The following SPINK6 variants were observed in gnomAD, a reference collection of about 807,000 sequenced individuals.
SPINK6 encodes the protein serine protease inhibitor Kazal-type 6.
In SPINK6, 13 loss-of-function variants were observed where a neutral mutation model predicts 11.7. The ratio of observed to expected loss-of-function variants is 1.11; its 90% confidence interval spans 0.72 to 1.76. The LOEUF (loss-of-function observed/expected upper bound fraction) is 1.76, where lower values mean the gene tolerates loss of function less well. Among genes scored for constraint, SPINK6 ranks in the 40% most tolerant of loss-of-function variants. The pLI is 0.00. For missense variants in SPINK6, 98 were observed against 93.7 expected, an observed-to-expected ratio of 1.05 and a Z score of -0.19; for synonymous variants, 21 against 31.9, an observed-to-expected ratio of 0.66 and a Z score of 1.15.
chr5:148,210,013 T>TGTATGTAG (rs1755559338), intron 2 of SPINK6, among the ~76,000 whole-genome samples: 2 of 143,700 alleles, frequency 1.4e-5, no homozygotes, highest in African/African-American at 2.7e-5. Context: ...TATACATGTA[T>TGTATGTAG]GTACGCATGT....
Position 148,205,894 on chromosome 5 carries a change from A to G in SPINK6, c.59-142A>G. The G allele has an allele frequency of 3.4e-6, 3 of 873,248 alleles. No individual in the cohort carries two copies. In the South Asian group the frequency reaches 4.5e-5, roughly 13 times the overall value. The allele number at this position is 873,248 out of a possible 1,614,324, so 54.1% of individuals were successfully genotyped here. A position where few individuals can be genotyped will look rare whatever the true frequency, so the allele number is the denominator to read the frequency against. ...AAAAAAAAAGAAGAAGAAGAAGAAAACAAAAACAAACAAAAAAAATACGAT... is the reference window on the plus strand; with the variant it reads ...AAAAAAAAAGAAGAAGAAGAAGAAAGCAAAAACAAACAAAAAAAATACGAT... On this transcript the variant is annotated intron_variant, in intron 1 of 3. Transcript: ENST00000325630.
intron 2 of SPINK6, among the ~76,000 whole-genome samples, chr5:148,211,188 C>T (rs1755593376): frequency 6.6e-6 from 1 of 152,068 alleles, no homozygotes. Flanking sequence ...ATTAAAATGT[C>T]TCATAGAGTG....
rs190006161 is a variant in SPINK6, at chr5:148,214,001, A to C, written c.173A>C (p.Lys58Thr). 4.5e-5 allele frequency: 73 copies of C among 1,611,902 alleles called. No individual in the cohort carries two copies. In the East Asian group the frequency reaches 1.6e-3, roughly 35 times the overall value. Residue 58 changes from lysine (K) to threonine (T), a missense_variant, in exon 3 of 4, where the codon AAA (lysine) becomes ACA (threonine). Physicochemically the swap from Lys to Thr is moderately conservative, Grantham distance 78. Transcript: ENST00000325630. ...CGSDGQTYGN[K>T]CAFCKAIVKS... ...TCTGATGGCCAGACATATGGCAATA[A>C]ATGTGCCTTCTGTAAGGCCATAGTG...
intron 2 of SPINK6, among the ~76,000 whole-genome samples, chr5:148,211,527 G>A (rs941406064): frequency 3.6e-4 from 55 of 152,070 alleles, no homozygotes; most frequent in African/African-American, 1.3e-3. Flanking sequence ...GACCACATTT[G>A]TTCCTTATAA....
At chr5:148,210,457 T>C (rs1035991055) in intron 2 of SPINK6, among the ~76,000 whole-genome samples, 1 of 152,114 alleles carries the variant, frequency 6.6e-6, no homozygotes, top group African/African-American at 2.4e-5. Flanking sequence ...TGTTTCTGCA[T>C]ACATATATAT....
rs988664660 is a variant in SPINK6 at position 148,215,083 on chromosome 5, A to G, written c.*133A>G. ...CTCTGCCTGGGTCTTGAGGAGTTCA[A>G]TGTATGTCTATTTCTCTTGATTCAC... On this transcript the variant is annotated 3_prime_UTR_variant, in exon 4 of 4. Transcript: ENST00000325630. 24 of 684,200 alleles carry G rather than the reference A, an allele frequency of 3.5e-5. No homozygotes were observed. The highest frequency in any genetic ancestry group is 5.4e-5 in the East Asian group (2 of 37,138). 42.4% of individuals were successfully genotyped at this position (684,200 alleles called of 1,614,324 possible). A position where few individuals can be genotyped will look rare whatever the true frequency, so the allele number is the denominator to read the frequency against.
chr5:148,209,731 A>C (rs2113311051), intron 2 of SPINK6, among the ~76,000 whole-genome samples: 1 of 152,252 alleles, frequency 6.6e-6, no homozygotes. Flanking sequence ...GAACTGGCAA[A>C]GAAAATGAGG....
chr5:148,207,458 G>A (rs530732894), intron 2 of SPINK6, among the ~76,000 whole-genome samples: 20 of 152,196 alleles, frequency 1.3e-4, no homozygotes, highest in African/African-American at 3.4e-4. Context: ...AGTACTTGGC[G>A]GGGTGTGTGG....
intron 2 of SPINK6, among the ~76,000 whole-genome samples, chr5:148,211,820 G>A (rs773057077): frequency 4.6e-5 from 7 of 152,024 alleles, no homozygotes; most frequent in Non-Finnish European, 8.8e-5. Context: ...CTTCTTCCAC[G>A]GGGCAGAGGA....
chr5:148,210,111 T>C (rs1459140753), intron 2 of SPINK6, among the ~76,000 whole-genome samples: 2 of 148,326 alleles, frequency 1.3e-5, no homozygotes, highest in African/African-American at 4.9e-5. Context: ...TATGCACATA[T>C]GTATGTATGT....
chr5:148,212,472 C>T (rs995291507), intron 2 of SPINK6, among the ~76,000 whole-genome samples: 1 of 29,530 alleles, frequency 3.4e-5, no homozygotes, highest in African/African-American at 5.4e-5. Context: ...CTCTAAAATA[C>T]ATATTTTTTA....
intron 3 of SPINK6, among the ~76,000 whole-genome samples, chr5:148,214,462 GT>G (rs1425415387): frequency 1.3e-5 from 2 of 152,202 alleles, no homozygotes; most frequent in African/African-American, 2.4e-5. Context: ...AGTCAGTGGT[GT>G]AATATGAGAT....
At chr5:148,213,055 T>A (rs896177669) in intron 2 of SPINK6, among the ~76,000 whole-genome samples, 4 of 150,718 alleles carry the variant, frequency 2.7e-5, no homozygotes, top group South Asian at 4.2e-4. Context: ...TATATACATA[T>A]CCTATATATA....
At position 148,214,946 on chromosome 5, in the gene SPINK6, G is replaced by T; in HGVS notation, c.239G>T (p.Cys80Phe). Residue 80 changes from cysteine (C) to phenylalanine (F), a missense_variant, in exon 4 of 4, where the codon TGC becomes TTC. Cys to Phe is a radical substitution (Grantham distance 205). Coordinates refer to ENST00000325630, the MANE Select transcript of SPINK6 (RefSeq NM_205841.4). ...GKISLKHPGK[C>F] ...ATTAGCCTAAAGCATCCTGGAAAAT[G>T]CTGAGTTAAAGCCAATGTTTCTTGG... The T allele has an allele frequency of 6.2e-7, 1 of 1,613,744 alleles. No homozygotes were observed. Among genetic ancestry groups the T allele is most frequent in the Non-Finnish European group, 8.5e-7 (1 of 1,179,824 alleles).
At chr5:148,213,432 C>G (rs1021649826) in intron 2 of SPINK6, among the ~76,000 whole-genome samples, 3 of 151,744 alleles carry the variant, frequency 2.0e-5, no homozygotes, top group Admixed American at 2.0e-4. Context: ...ATCTCCTGAC[C>G]TCGTGATCCG....
intron 2 of SPINK6, among the ~76,000 whole-genome samples, chr5:148,210,736 TC>T (rs1362367456): frequency 6.6e-6 from 1 of 151,964 alleles, no homozygotes; most frequent in Non-Finnish European, 1.5e-5. Context: ...GGAAAGAGTT[TC>T]AAAAAGGTTG....
intron 2 of SPINK6, among the ~76,000 whole-genome samples, chr5:148,206,853 T>C (rs1302018153): frequency 6.6e-6 from 1 of 152,258 alleles, no homozygotes; most frequent in Non-Finnish European, 1.5e-5. Flanking sequence ...TGCCTTGTTA[T>C]ACCTTTGACA....
intron 2 of SPINK6, among the ~76,000 whole-genome samples, chr5:148,209,341 G>A (rs984863104): frequency 1.3e-5 from 2 of 152,166 alleles, no homozygotes; most frequent in South Asian, 2.1e-4. Flanking sequence ...TGAGCTTTCC[G>A]TGGCTGCATA....
intron 1 of SPINK6, among the ~76,000 whole-genome samples, chr5:148,205,560 A>G (rs1755486563): frequency 6.6e-6 from 1 of 152,210 alleles, no homozygotes; most frequent in Admixed American, 6.5e-5. Context: ...GAGCAATTTC[A>G]AACTCAAAGA....
Sources: gnomAD v4.1 joint callset for allele counts (sites outside exome capture counted in the v4.1 genomes callset) on GRCh38, gnomAD v4.1.1 for gene constraint, MANE v1.5 for transcripts, NCBI Gene and HGNC (gene_info 2026-07-23, HGNC 2026-07-21) for gene names.